The following PPAN variants were observed in gnomAD, a reference collection of about 807,000 sequenced individuals.
PPAN encodes the protein suppressor of SWI4 1 homolog.
In PPAN, 39 loss-of-function variants were observed where a neutral mutation model predicts 48.5. The observed-to-expected ratio is 0.80, with a 90% CI of 0.62 to 1.05. PPAN has a LOEUF of 1.05. Ranked by LOEUF, PPAN falls within the 50% of genes least tolerant of loss-of-function variation. The pLI, the probability that PPAN is intolerant of heterozygous loss-of-function variation, is 0.00. For synonymous variants in PPAN, 315 were observed against 268.6 expected (o/e 1.17, Z -1.69); for missense variants, 736 against 661.7 (o/e 1.11, Z -1.23).
rs770413675 is a variant in PPAN at position 10,111,694 on chromosome 19, GAC to G, written c.*533_*534del. The G allele has an allele frequency of 3.1e-6, 5 of 1,613,596 alleles. No individual in the cohort carries two copies. The highest frequency in any genetic ancestry group is 2.2e-5 in the East Asian group (1 of 44,900). On this transcript the variant is annotated 3_prime_UTR_variant, in exon 12 of 12. Transcript: ENST00000253107. ...GGAGGGGCTGGGGAACTGGGTAGCA[GAC>G]ACAGGCTGAGGATCGGCACGGGAGC... is the stretch of plus-strand genomic sequence containing the variant.
At chr19:10,109,600 A>G (rs372928201) in intron 5 of PPAN, 31 bp from the exon 6 acceptor site, 496 of 1,599,790 alleles carry the variant, frequency 3.1e-4, no homozygotes, top group Non-Finnish European at 4.0e-4. Flanking sequence ...CCATGAGTCT[A>G]CTGGACTATG....
rs373949920 is a variant in PPAN, at chr19:10,110,684, C to T, written c.1032-13C>T. 1.2e-5 allele frequency: 20 copies of T among 1,612,792 alleles called. No homozygotes were observed. In the African/African-American group the frequency reaches 1.3e-4, roughly 11 times the overall value. On this transcript the variant is annotated splice_polypyrimidine_tract_variant and intron_variant, in intron 10 of 11. Transcript: ENST00000253107. The surrounding 1 kb of genome is among the most constrained non-coding windows in gnomAD (Gnocchi z 5.9). Reference sequence around the variant, plus strand: ...GGATGGGCGGCTATGTTGACCCCCACGCCCTCCTCCAGAAAGAAGAGCCTG... The same window carrying T: ...GGATGGGCGGCTATGTTGACCCCCATGCCCTCCTCCAGAAAGAAGAGCCTG...
At position 10,110,409 on chromosome 19, in the gene PPAN, C is replaced by T. The variant is rs1426865189; in HGVS notation, c.901+7C>T. 12 of 1,612,810 alleles carry T rather than the reference C, an allele frequency of 7.4e-6. No homozygotes were observed. The highest frequency in any genetic ancestry group is 1.3e-5 in the African/African-American group (1 of 74,802). ...GTGATGTTCCACAGTTTTGGTGAGGCCGGGGCCGCCGGGGGTGGGGGGTCA... is the reference window on the plus strand; with the variant it reads ...GTGATGTTCCACAGTTTTGGTGAGGTCGGGGCCGCCGGGGGTGGGGGGTCA... On this transcript the variant is annotated splice_region_variant and intron_variant, in intron 9 of 11. Transcript: ENST00000253107. The surrounding 1 kb of genome is among the most constrained non-coding windows in gnomAD (Gnocchi z 5.9).
At chr19:10,106,292 C>G, upstream of PPAN, 1 of 1,526,382 alleles carries the variant, frequency 6.6e-7, no homozygotes, top group Admixed American at 2.1e-5. Flanking sequence ...TGCGCAGGCC[C>G]GCCTGATGTC....
At position 10,107,535 on chromosome 19, in the gene PPAN, G is replaced by C; in HGVS notation, c.220G>C (p.Val74Leu). 6.2e-7 allele frequency: 1 copy of C among 1,614,040 alleles called. No individual in the cohort carries two copies. The highest frequency in any genetic ancestry group is 1.3e-5 in the African/African-American group (1 of 75,022). The change falls in exon 3 of 12, where the codon GTG becomes CTG. Residue 74 changes from valine to leucine, a missense_variant. Val to Leu is a conservative substitution (Grantham distance 32, BLOSUM62 1). Coordinates refer to ENST00000253107, the MANE Select transcript of PPAN (RefSeq NM_020230.7). The part of the protein sequence containing the change: ...VRKKNSLKDC[V>L]AVAGPLGVTH... ...TAAGAAGAACTCGCTGAAGGACTGC[G>C]TGGCAGTGGCTGGGCCCCTCGGGGT...
Position 10,111,461 on chromosome 19 carries a change from G to A in PPAN, c.*296G>A, listed in dbSNP as rs1447033248. On this transcript the variant is annotated 3_prime_UTR_variant, in exon 12 of 12. Transcript: ENST00000253107. Reference sequence around the variant, plus strand: ...GTTGGTTTCATTGGTGGCAGCAGCAGCCATGAGTGGCCCCTCCCCCCAGTC... The same window carrying A: ...GTTGGTTTCATTGGTGGCAGCAGCAACCATGAGTGGCCCCTCCCCCCAGTC... The A allele has an allele frequency of 3.2e-6, 2 of 618,356 alleles. No individual in the cohort carries two copies. The highest frequency in any genetic ancestry group is 1.8e-5 in the African/African-American group (1 of 54,324). 38.3% of individuals were successfully genotyped at this position (618,356 alleles called of 1,614,324 possible).
chr19:10,106,399 G>A lies in PPAN; in HGVS notation c.5G>A (p.Gly2Glu). ...CCTCGTGGAGGACACAGCAGCATGGGACAGTCAGGGAGGGTAAGGCCCGGC... is the reference window on the plus strand; with the variant it reads ...CCTCGTGGAGGACACAGCAGCATGGAACAGTCAGGGAGGGTAAGGCCCGGC... M[G>E]QSGRSRHQKR... is the part of the protein sequence containing the mutation. Residue 2 changes from glycine to glutamate, a missense_variant, in exon 1 of 12, where the codon GGA (glycine) becomes GAA (glutamate). Physicochemically the swap from Gly to Glu is moderately conservative, Grantham distance 98 (BLOSUM62 -2). Transcript: ENST00000253107. 1.3e-6 allele frequency: 2 copies of A among 1,549,750 alleles called. No homozygotes were observed. Among genetic ancestry groups the A allele is most frequent in the East Asian group, 2.4e-5 (1 of 40,870 alleles).
Position 10,111,690 on chromosome 19 carries a change from A to G in PPAN, c.*525A>G, listed in dbSNP as rs1396411718. The G allele has an allele frequency of 1.2e-6, 2 of 1,613,476 alleles. No homozygotes were observed. Among genetic ancestry groups the G allele is most frequent in the African/African-American group, 2.7e-5 (2 of 74,876 alleles). On this transcript the variant is annotated 3_prime_UTR_variant, in exon 12 of 12. Coordinates refer to ENST00000253107, the MANE Select transcript of PPAN (RefSeq NM_020230.7). ...TGGGGGAGGGGCTGGGGAACTGGGT[A>G]GCAGACACAGGCTGAGGATCGGCAC...
Position 10,110,962 on chromosome 19 carries a change from A to C in PPAN, c.1219A>C (p.Lys407Gln). Residue 407 changes from lysine to glutamine, a missense_variant, in exon 12 of 12, where the codon AAG becomes CAG. Transcript: ENST00000253107. The surrounding 1 kb of genome is among the most constrained non-coding windows in gnomAD (Gnocchi z 5.9). ...APSEDLFPEA[K>Q]QKRLAKSPGR... is the part of the protein sequence containing the mutation. ...CCCCACAGACCTGTTCCCCGAGGCC[A>C]AGCAGAAACGGCTTGCCAAGTCTCC... 1 of 1,613,362 alleles carries C rather than the reference A, an allele frequency of 6.2e-7. No individual in the cohort carries two copies. The highest frequency in any genetic ancestry group is 8.5e-7 in the Non-Finnish European group (1 of 1,179,918).
upstream of PPAN, chr19:10,106,247 C>T: frequency 7.2e-7 from 1 of 1,393,592 alleles, no homozygotes; most frequent in Non-Finnish European, 9.6e-7. Flanking sequence ...ACCGCTCCAT[C>T]TGATTGCCCC....
At position 10,109,940 on chromosome 19, in the gene PPAN, G is replaced by A. The variant is rs143244427; in HGVS notation, c.618G>A (p.Ala206=). 8.3e-4 allele frequency: 1,341 copies of A among 1,614,066 alleles called. 25 individuals are homozygous for A. The East Asian group carries it at 0.022, about 27-fold the overall frequency. The change falls in exon 7 of 12, where the codon GCG becomes GCA. Residue 206 remains alanine (A), a synonymous_variant. Transcript: ENST00000253107. ...GCATCAAAGTTGTTCCTGTGGGCGC[G>A]AGTCGCGGGATGAAGAAGCTGCTCC... ...HYSIKVVPVG[A]SRGMKKLLQE...
Position 10,110,718 on chromosome 19 carries a change from G to C in PPAN, c.1053G>C (p.Met351Ile), listed in dbSNP as rs779738378. 6.2e-7 allele frequency: 1 copy of C among 1,613,900 alleles called. No individual in the cohort carries two copies. The highest frequency in any genetic ancestry group is 8.5e-7 in the Non-Finnish European group (1 of 1,179,972). ...EAHRKKSLEGMKKARVGGSDE... is the reference protein window; with the variant it reads ...EAHRKKSLEGIKKARVGGSDE... ...CCAGAAAGAAGAGCCTGGAGGGCAT[G>C]AAGAAGGCACGGGTCGGGGGTAGTG... is the stretch of plus-strand genomic sequence containing the variant. Residue 351 changes from methionine (M) to isoleucine (I), a missense_variant, in exon 11 of 12, where the codon ATG becomes ATC. Transcript: ENST00000253107. The surrounding 1 kb of genome is among the most constrained non-coding windows in gnomAD (Gnocchi z 5.9).
In PPAN at chr19:10,110,267, A is replaced by C; in HGVS notation, c.822+21A>C. 6 of 1,611,410 alleles carry C rather than the reference A, an allele frequency of 3.7e-6. No individual in the cohort carries two copies. Among genetic ancestry groups the C allele is most frequent in the Non-Finnish European group, 5.1e-6 (6 of 1,179,356 alleles). ...CCGAGGTGAGGCCCAGGGCAGGGGG[A>C]CCCCCGGGCTCCACCAGTCCCAACG... is the stretch of plus-strand genomic sequence containing the variant. On this transcript the variant is annotated intron_variant, in intron 8 of 11. Coordinates refer to ENST00000253107, the MANE Select transcript of PPAN (RefSeq NM_020230.7). The surrounding 1 kb of genome is among the most constrained non-coding windows in gnomAD (Gnocchi z 5.9).
rs952861535 is a variant in PPAN at position 10,109,987 on chromosome 19, G to A, written c.665G>A (p.Ser222Asn). Residue 222 changes from serine to asparagine, a missense_variant, in exon 7 of 12, where the codon AGC (serine) becomes AAC (asparagine). Transcript: ENST00000253107. ...CTCCAGGAGAAGTTCCCCAACATGA[G>A]CCGCCTGCAGGACATCAGCGAGCTG... ...KLLQEKFPNM[S>N]RLQDISELLA... 6.2e-7 allele frequency: 1 copy of A among 1,614,026 alleles called. No individual in the cohort carries two copies. The highest frequency in any genetic ancestry group is 1.7e-5 in the Admixed American group (1 of 60,024).
At chr19:10,106,998 G>A (rs2145197348) in intron 2 of PPAN, 1 of 623,148 alleles carries the variant, frequency 1.6e-6, no homozygotes, top group South Asian at 1.5e-5. Flanking sequence ...ACCAGCCTGA[G>A]CAGCATGGTG....
Position 10,110,652 on chromosome 19 carries a change from G to A in PPAN, c.1031+38G>A, listed in dbSNP as rs111919173. The A allele has an allele frequency of 1.4e-5, 23 of 1,611,318 alleles. No homozygotes were observed. Among genetic ancestry groups the A allele is most frequent in the Non-Finnish European group, 1.7e-5 (20 of 1,178,816 alleles). ...CTGGGAAGGGCAGGGCCAAGGGGGG[G>A]TCCCTGGGATGGGCGGCTATGTTGA... is the stretch of plus-strand genomic sequence containing the variant. On this transcript the variant is annotated intron_variant, in intron 10 of 11. Transcript: ENST00000253107. The surrounding 1 kb of genome is among the most constrained non-coding windows in gnomAD (Gnocchi z 5.9).
chr19:10,111,533 A>G lies in PPAN; in HGVS notation c.*368A>G. The G allele has an allele frequency of 1.5e-6, 1 of 687,750 alleles. No homozygotes were observed. Among genetic ancestry groups the G allele is most frequent in the Non-Finnish European group, 2.5e-6 (1 of 400,920 alleles). 42.6% of individuals were successfully genotyped at this position (687,750 alleles called of 1,614,324 possible). On this transcript the variant is annotated 3_prime_UTR_variant, in exon 12 of 12. Coordinates refer to ENST00000253107, the MANE Select transcript of PPAN (RefSeq NM_020230.7). Reference sequence around the variant, plus strand: ...AGACAGGTCACACTTTCAGCAGATGAGCTTGAACCTCAGGAGGGTTGTGGC... The same window carrying G: ...AGACAGGTCACACTTTCAGCAGATGGGCTTGAACCTCAGGAGGGTTGTGGC...
Position 10,111,136 on chromosome 19 carries a change from C to CGGGGCT in PPAN, c.1398_1399insTGGGGC (p.Gly466_Arg467insTrpGly). ...CCGGGATGGTGGGCGAGGCCGGGGC[C>CGGGGCT]GGGGCCGCCCAGGGAAGAGAGTGGC... On this transcript the variant is annotated inframe_insertion, in exon 12 of 12. Transcript: ENST00000253107. The CGGGGCT allele has an allele frequency of 1.2e-6, 2 of 1,603,662 alleles. No individual in the cohort carries two copies. Among genetic ancestry groups the CGGGGCT allele is most frequent in the Non-Finnish European group, 1.7e-6 (2 of 1,176,222 alleles).
chr19:10,109,212 G>A (rs1409113044), intron 5 of PPAN, among the ~76,000 whole-genome samples: 2 of 151,992 alleles, frequency 1.3e-5, no homozygotes, highest in Non-Finnish European at 2.9e-5. Context: ...GCCCGCCTCG[G>A]CCTCCCAAAG....
Sources: gnomAD v4.1 joint callset for allele counts (sites outside exome capture counted in the v4.1 genomes callset) on GRCh38, gnomAD v4.1.1 for gene constraint, Gnocchi (gnomAD v3.1) non-coding constraint, MANE v1.5 for transcripts, NCBI Gene and HGNC (gene_info 2026-07-23, HGNC 2026-07-21) for gene names.